The following ARAP2 variants were observed in gnomAD, a reference collection of about 807,000 sequenced individuals.
ARAP2 encodes the protein arf-GAP with Rho-GAP domain, ANK repeat and PH domain-containing protein 2.
ARAP2 carries 148 observed loss-of-function variants against 194.5 expected under a neutral mutation model. The ratio of observed to expected loss-of-function variants is 0.76; its 90% CI spans 0.67 to 0.87. ARAP2 has a LOEUF of 0.87. ARAP2 is among the 40% of genes least tolerant of loss of function. ARAP2 has a pLI of 0.00. For synonymous variants in ARAP2, 695 were observed against 683.5 expected (o/e 1.02, Z -0.26); for missense variants, 2,128 against 1,989.7 (o/e 1.07, Z -1.32).
At chr4:36,225,877 A>G (rs929504674) in intron 2 of ARAP2, among the ~76,000 whole-genome samples, 3 of 152,208 alleles carry the variant, frequency 2.0e-5, no homozygotes, top group African/African-American at 7.2e-5. Flanking sequence ...TGCAGGTTCA[A>G]TATCAATGAC....
intron 1 of ARAP2, among the ~76,000 whole-genome samples, chr4:36,232,710 A>G (rs1175272753): frequency 6.6e-6 from 1 of 152,228 alleles, no homozygotes; most frequent in Non-Finnish European, 1.5e-5. Flanking sequence ...TCCTCTGTGA[A>G]GGCATCTTAT....
chr4:36,229,929 A>G (rs968588957), intron 1 of ARAP2, among the ~76,000 whole-genome samples: 2 of 152,266 alleles, frequency 1.3e-5, no homozygotes, highest in African/African-American at 2.4e-5. Flanking sequence ...TATTCAACTT[A>G]TTCATTAAAA....
chr4:36,163,478 T>C (rs1173582422), intron 11 of ARAP2, among the ~76,000 whole-genome samples: 1 of 152,092 alleles, frequency 6.6e-6, no homozygotes, highest in Non-Finnish European at 1.5e-5. Flanking sequence ...CATCAGCAGT[T>C]AAAAGGTAGC....
intron 19 of ARAP2, among the ~76,000 whole-genome samples, chr4:36,136,269 A>G (rs1726678696): frequency 1.3e-5 from 2 of 151,798 alleles, no homozygotes; most frequent in Non-Finnish European, 2.9e-5. Flanking sequence ...TATCCTGACA[A>G]TCTGAAAAGT....
chr4:36,119,106 A>G lies in ARAP2; in HGVS notation c.3963+544T>C, dbSNP rs55917064. ...TTCACCAAACAAGCATAGTGCAACCAGAACACAAAAATCCAGTATAATGTG... is the reference window on the plus strand; with the variant it reads ...TTCACCAAACAAGCATAGTGCAACCGGAACACAAAAATCCAGTATAATGTG... On this transcript the variant is annotated intron_variant, in intron 24 of 32. Coordinates refer to ENST00000303965, the MANE Select transcript of ARAP2 (RefSeq NM_015230.4). Among the ~76,000 whole-genome samples the G allele has an allele frequency of 5.4e-3, 819 of 151,584 alleles. 12 individuals are homozygous for G. The highest frequency in any genetic ancestry group is 0.019 in the African/African-American group (771 of 41,478).
In ARAP2 at chr4:36,210,555, A is replaced by G. The variant is rs746637904; in HGVS notation, c.1322T>C (p.Leu441Ser). The change falls in exon 6 of 33, where the codon TTG (leucine) becomes TCG (serine). Residue 441 changes from leucine to serine, a missense_variant. Coordinates refer to ENST00000303965, the MANE Select transcript of ARAP2 (RefSeq NM_015230.4). ...KASKSRTQKA[L>S]ILDSVNRHSY... ...GTGCCTATTAACGGAGTCCAAAATCAAGGCTTTTTGAGTCCTAGATTTAGA... is the reference window on the plus strand; with the variant it reads ...GTGCCTATTAACGGAGTCCAAAATCGAGGCTTTTTGAGTCCTAGATTTAGA... 6 of 1,613,920 alleles carry G rather than the reference A, an allele frequency of 3.7e-6. No homozygotes were observed. In the East Asian group the frequency reaches 1.3e-4, roughly 36 times the overall value.
intron 24 of ARAP2, among the ~76,000 whole-genome samples, chr4:36,118,552 TTTC>T (rs1360635261): frequency 1.3e-5 from 2 of 151,410 alleles, no homozygotes; most frequent in Non-Finnish European, 3.0e-5. Flanking sequence ...TCAAAACATC[TTTC>T]TTTATTGTAA....
chr4:36,118,026 T>C (rs999061072), intron 24 of ARAP2, among the ~76,000 whole-genome samples: 1 of 151,460 alleles, frequency 6.6e-6, no homozygotes, highest in South Asian at 2.1e-4. Context: ...CATTCTCAAA[T>C]TAAATTCACC....
chr4:36,161,943 C>T (rs1295548804), intron 11 of ARAP2, among the ~76,000 whole-genome samples: 9 of 151,754 alleles, frequency 5.9e-5, no homozygotes, highest in Non-Finnish European at 5.9e-5. Context: ...CCCGTCTCTA[C>T]TAAAAATACA....
At chr4:36,184,912 C>T (rs1740168818) in intron 8 of ARAP2, among the ~76,000 whole-genome samples, 1 of 152,196 alleles carries the variant, frequency 6.6e-6, no homozygotes, top group Admixed American at 6.5e-5. Context: ...ATGGAACTCT[C>T]ATATCAAGTA....
intron 20 of ARAP2, among the ~76,000 whole-genome samples, chr4:36,133,013 A>G (rs951229234): frequency 1.3e-5 from 2 of 151,778 alleles, no homozygotes; most frequent in African/African-American, 4.8e-5. Context: ...ATGCATATAA[A>G]GGAAGGAGCA....
intron 29 of ARAP2, among the ~76,000 whole-genome samples, chr4:36,082,565 C>A (rs190036059): frequency 6.6e-6 from 1 of 151,834 alleles, no homozygotes; most frequent in Non-Finnish European, 1.5e-5. Context: ...CAAATGTCTA[C>A]GAAAATGACT....
At chr4:36,165,906 A>G (rs1405531953) in intron 10 of ARAP2, among the ~76,000 whole-genome samples, 1 of 152,180 alleles carries the variant, frequency 6.6e-6, no homozygotes, top group African/African-American at 2.4e-5. Context: ...TGAAAATCAC[A>G]GCTAACATAT....
At chr4:36,134,224 G>T (rs1726112087) in intron 19 of ARAP2, among the ~76,000 whole-genome samples, 1 of 151,664 alleles carries the variant, frequency 6.6e-6, no homozygotes, top group South Asian at 2.1e-4. Context: ...TACTACTAAA[G>T]AATATTTATA....
In ARAP2 at chr4:36,053,963, G is replaced by A. The variant is rs190841680; in HGVS notation, n.322-1910C>T. Reference sequence around the variant, plus strand: ...TTTTAAATGGAATAAAAGAGTGAATGAGAACAAGAGAATGAATGCAAAGGG... The same window carrying A: ...TTTTAAATGGAATAAAAGAGTGAATAAGAACAAGAGAATGAATGCAAAGGG... On this transcript the variant is annotated intron_variant and non_coding_transcript_variant, in intron 2 of 12. Transcript: ENST00000503225. 2.6e-5 allele frequency among the ~76,000 whole-genome samples: 4 copies of A among 152,342 alleles called. No homozygotes were observed. In the East Asian group the frequency reaches 5.8e-4, roughly 22 times the overall value.
intron 10 of ARAP2, among the ~76,000 whole-genome samples, chr4:36,166,135 G>A (rs36082370): frequency 0.11 from 16,401 of 152,078 alleles, 1,051 homozygotes; most frequent in African/African-American, 0.17. Flanking sequence ...GGCAATGGAT[G>A]TATTTTGACA....
At chr4:36,178,765 A>G (rs1000360309) in intron 8 of ARAP2, among the ~76,000 whole-genome samples, 4 of 152,246 alleles carry the variant, frequency 2.6e-5, no homozygotes, top group African/African-American at 7.2e-5. Context: ...GTCAATTGAG[A>G]TAAGTGATTT....
intron 2 of ARAP2, among the ~76,000 whole-genome samples, chr4:36,219,285 G>T (rs1748663772): frequency 6.6e-6 from 1 of 152,088 alleles, no homozygotes; most frequent in Non-Finnish European, 1.5e-5. Flanking sequence ...ATATGTCAAT[G>T]GGCAAATGGA....
intron 1 of ARAP2, among the ~76,000 whole-genome samples, chr4:36,233,400 C>G (rs1377732718): frequency 6.6e-6 from 1 of 152,202 alleles, no homozygotes; most frequent in Non-Finnish European, 1.5e-5. Context: ...CGAGTCTACA[C>G]TTGTTACACC....
Sources: gnomAD v4.1 joint callset for allele counts (sites outside exome capture counted in the v4.1 genomes callset) on GRCh38, gnomAD v4.1.1 for gene constraint, MANE v1.5 for transcripts, NCBI Gene and HGNC (gene_info 2026-07-23, HGNC 2026-07-21) for gene names.